The following EPHA5 variants were observed in gnomAD, a reference collection of about 807,000 sequenced individuals.
The protein encoded by EPHA5 is EPH receptor A5, also known as ephrin type-A receptor 5.
Under a neutral mutation model 105.0 loss-of-function variants are expected in EPHA5, and 60 were observed. The ratio of observed to expected loss-of-function variants is 0.57; its 90% CI spans 0.46 to 0.71. The LOEUF is 0.71. Ranked by LOEUF, EPHA5 falls within the 30% of genes least tolerant of loss-of-function variation. The pLI is 0.00. For synonymous variants in EPHA5, 513 were observed against 449.1 expected (o/e 1.14, Z -1.80); for missense variants, 1,218 against 1,274.7 (o/e 0.96, Z 0.68).
At chr4:65,450,907 A>G (rs1726999408) in intron 5 of EPHA5, among the ~76,000 whole-genome samples, 1 of 152,286 alleles carries the variant, frequency 6.6e-6, no homozygotes, top group South Asian at 2.1e-4. Context: ...AAATGGAAAC[A>G]TGAGTAGTAC....
At chr4:65,378,115 G>A (rs940127559) in intron 8 of EPHA5, among the ~76,000 whole-genome samples, 29 of 151,754 alleles carry the variant, frequency 1.9e-4, no homozygotes, top group African/African-American at 7.0e-4. Context: ...AATTCCAATG[G>A]ATCTTTTCAA....
At position 65,669,730 on chromosome 4, in the gene EPHA5, C is replaced by G. The variant is rs1750300763; in HGVS notation, c.13G>C (p.Gly5Arg). 2.4e-6 allele frequency: 3 copies of G among 1,263,844 alleles called. No individual in the cohort carries two copies. Among genetic ancestry groups the G allele is most frequent in the African/African-American group, 3.1e-5 (2 of 64,686 alleles). The allele number at this position is 1,263,844 out of a possible 1,614,324, so 78.3% of individuals were successfully genotyped here. ...CGCCGGCGTCCCGCACCCCGGGGCC[C>G]CGAGCCCCGCATCTTCTCCGAGCCT... MRGS[G>R]PRGAGRRRPP... The change falls in exon 1 of 17, where the codon GGG becomes CGG. Residue 5 changes from glycine (G) to arginine (R), a missense_variant. Physicochemically the swap from Gly to Arg is moderately radical, Grantham distance 125. Coordinates refer to ENST00000613740, the MANE Select transcript of EPHA5 (RefSeq NM_001281766.3).
chr4:65,400,330 T>C (rs996630795), intron 8 of EPHA5, among the ~76,000 whole-genome samples: 2 of 152,310 alleles, frequency 1.3e-5, no homozygotes, highest in African/African-American at 2.4e-5. Context: ...GATTAGCTCA[T>C]AGTTTGTGGA....
chr4:65,511,772 C>T (rs189460906), intron 3 of EPHA5, among the ~76,000 whole-genome samples: 260 of 152,252 alleles, frequency 1.7e-3, no homozygotes, highest in African/African-American at 5.9e-3. Flanking sequence ...ATATCTCAGA[C>T]TAATACTTTG....
intron 15 of EPHA5, among the ~76,000 whole-genome samples, chr4:65,334,769 AATG>A (rs1388965996): frequency 6.6e-6 from 1 of 151,948 alleles, no homozygotes. Flanking sequence ...AAGCTGTAAT[AATG>A]ATGCCTATAT....
intron 16 of EPHA5, chr4:65,330,719 A>T: frequency 1.0e-6 from 1 of 953,522 alleles, no homozygotes. Flanking sequence ...AATAGTTTTA[A>T]ATTATCAGTA....
intron 5 of EPHA5, among the ~76,000 whole-genome samples, chr4:65,424,983 A>G (rs556609792): frequency 1.3e-5 from 2 of 152,230 alleles, no homozygotes; most frequent in South Asian, 4.1e-4. Flanking sequence ...CCCTATAGCC[A>G]ACACTTTTTG....
chr4:65,651,113 C>A (rs1403804323), intron 1 of EPHA5, among the ~76,000 whole-genome samples: 4 of 152,124 alleles, frequency 2.6e-5, no homozygotes, highest in Non-Finnish European at 4.4e-5. Flanking sequence ...CTCCTGACTG[C>A]CTTTGATGTT....
intron 3 of EPHA5, among the ~76,000 whole-genome samples, chr4:65,496,202 A>T (rs1036122548): frequency 6.7e-6 from 1 of 149,568 alleles, no homozygotes; most frequent in Non-Finnish European, 1.5e-5. Context: ...TATACAAATT[A>T]TAATGATTTC....
At chr4:65,431,652 A>G (rs1346979565) in intron 5 of EPHA5, among the ~76,000 whole-genome samples, 2 of 152,048 alleles carry the variant, frequency 1.3e-5, no homozygotes, top group Non-Finnish European at 2.9e-5. Context: ...AGCGCTAGTG[A>G]GTTGGGTTAT....
At chr4:65,333,257 A>G (rs1326304461) in intron 15 of EPHA5, among the ~76,000 whole-genome samples, 2 of 151,614 alleles carry the variant, frequency 1.3e-5, no homozygotes, top group Non-Finnish European at 2.9e-5. Flanking sequence ...AAAGGACACA[A>G]ATACCTTTCT....
At chr4:65,593,136 G>T (rs76705567) in intron 3 of EPHA5, among the ~76,000 whole-genome samples, 21,470 of 152,062 alleles carry the variant, frequency 0.14, 2,109 homozygotes, top group Non-Finnish European at 0.2. Context: ...ATAGAGAAAT[G>T]ATAGTAAATA....
At chr4:65,518,670 T>C (rs960716407) in intron 3 of EPHA5, among the ~76,000 whole-genome samples, 2 of 152,032 alleles carry the variant, frequency 1.3e-5, no homozygotes, top group African/African-American at 4.8e-5. Context: ...ACAGGAAATG[T>C]ACCCTTTAAA....
intron 3 of EPHA5, among the ~76,000 whole-genome samples, chr4:65,597,462 A>AC (rs1315630999): frequency 2.0e-5 from 3 of 147,770 alleles, no homozygotes; most frequent in Non-Finnish European, 4.5e-5. Flanking sequence ...TTTTACTAAA[A>AC]AAAAAAAGTC....
intron 7 of EPHA5, among the ~76,000 whole-genome samples, chr4:65,406,266 T>A (rs902219780): frequency 6.6e-6 from 1 of 152,304 alleles, no homozygotes; most frequent in Non-Finnish European, 1.5e-5. Flanking sequence ...AGGTCCAGCA[T>A]TTTAAAATTC....
intron 1 of EPHA5, among the ~76,000 whole-genome samples, chr4:65,660,155 T>C (rs756874376): frequency 4.6e-5 from 7 of 152,152 alleles, no homozygotes; most frequent in Non-Finnish European, 8.8e-5. Context: ...TATTTCTTGA[T>C]ATGATTTGTG....
intron 11 of EPHA5, among the ~76,000 whole-genome samples, chr4:65,360,727 ATAAT>A (rs759940922): frequency 3.3e-5 from 5 of 151,686 alleles, no homozygotes; most frequent in Admixed American, 6.6e-5. Context: ...ATGGTTTTAT[ATAAT>A]TAAGTTTTTA....
intron 3 of EPHA5, among the ~76,000 whole-genome samples, chr4:65,530,284 CG>C (rs1259436098): frequency 6.6e-6 from 1 of 151,952 alleles, no homozygotes; most frequent in African/African-American, 2.4e-5. Flanking sequence ...ATAGATTTAA[CG>C]GCTGTTACTA....
chr4:65,484,045 T>C (rs1208980526), intron 5 of EPHA5, among the ~76,000 whole-genome samples: 1 of 152,156 alleles, frequency 6.6e-6, no homozygotes, highest in Non-Finnish European at 1.5e-5. Flanking sequence ...AATTAGGTGG[T>C]GGTTCAAGTA....
Sources: allele counts gnomAD v4.1 joint callset (sites outside exome capture counted in the v4.1 genomes callset), GRCh38; gene constraint gnomAD v4.1.1; transcripts MANE v1.5; gene names NCBI Gene and HGNC (gene_info 2026-07-23, HGNC 2026-07-21).